Variants in EVI5 observed in about 807,000 individuals in gnomAD.
EVI5 encodes the protein ecotropic viral integration site 5.
EVI5 carries 73 observed loss-of-function variants against 112.0 expected under a neutral mutation model. That is an observed-to-expected ratio of 0.65 (90% confidence interval 0.54 to 0.79). EVI5 has a LOEUF of 0.79. Ranked by LOEUF, EVI5 falls within the 30% of genes least tolerant of loss-of-function variation. The pLI, the probability that EVI5 is intolerant of heterozygous loss-of-function variation, is 0.00. For synonymous variants in EVI5, 305 were observed against 319.9 expected (o/e 0.95, Z 0.50); for missense variants, 900 against 968.8 (o/e 0.93, Z 0.94).
chr1:92,776,652 G>A (rs1398688584), intron 1 of EVI5, among the ~76,000 whole-genome samples: 2 of 84,840 alleles, frequency 2.4e-5, no homozygotes, highest in South Asian at 7.0e-4. Flanking sequence ...TTTTTTTTTT[G>A]AGATGGAGTT....
At chr1:92,772,023 T>C (rs78695109) in intron 1 of EVI5, among the ~76,000 whole-genome samples, 17,389 of 151,614 alleles carry the variant, frequency 0.11, 2,938 homozygotes, top group African/African-American at 0.37. Context: ...CCCAGCTAAT[T>C]TTTTATTTTT....
intron 13 of EVI5, among the ~76,000 whole-genome samples, chr1:92,656,254 A>C (rs1219551226): frequency 6.6e-6 from 1 of 152,090 alleles, no homozygotes; most frequent in African/African-American, 2.4e-5. Context: ...AACTCTCAAA[A>C]CTATACAAAT....
chr1:92,685,030 G>GA (rs1297296372), intron 9 of EVI5, among the ~76,000 whole-genome samples: 1 of 151,830 alleles, frequency 6.6e-6, no homozygotes, highest in Non-Finnish European at 1.5e-5. Context: ...TCCAGGACTT[G>GA]AACTCAGCTC....
chr1:92,596,601 A>G (rs1647948747), intron 18 of EVI5, among the ~76,000 whole-genome samples: 1 of 152,188 alleles, frequency 6.6e-6, no homozygotes, highest in South Asian at 2.1e-4. Context: ...AAGTGTAACT[A>G]AACAGGGTTT....
At chr1:92,547,222 A>G (rs1246225185) in intron 19 of EVI5, among the ~76,000 whole-genome samples, 1 of 152,220 alleles carries the variant, frequency 6.6e-6, no homozygotes, top group Non-Finnish European at 1.5e-5. Flanking sequence ...CTACATGGAA[A>G]CTGAACAACC....
intron 18 of EVI5, among the ~76,000 whole-genome samples, chr1:92,566,360 TATA>T (rs1473255532): frequency 3.3e-5 from 5 of 152,178 alleles, no homozygotes; most frequent in Non-Finnish European, 7.4e-5. Context: ...CCCATAAGAT[TATA>T]ATAAGAAATT....
intron 19 of EVI5, among the ~76,000 whole-genome samples, chr1:92,520,791 C>A (rs912139020): frequency 2.7e-5 from 4 of 150,640 alleles, no homozygotes; most frequent in African/African-American, 4.9e-5. Context: ...GTCAAGGCTG[C>A]AGTGAGCTAT....
intron 13 of EVI5, among the ~76,000 whole-genome samples, chr1:92,654,610 A>G (rs187286426): frequency 4.1e-4 from 62 of 152,358 alleles, no homozygotes; most frequent in African/African-American, 1.5e-3. Context: ...ACAATTCTGG[A>G]AGTATAAAGA....
chr1:92,681,087 T>C (rs962617227), intron 9 of EVI5, among the ~76,000 whole-genome samples: 2 of 152,190 alleles, frequency 1.3e-5, no homozygotes, highest in African/African-American at 2.4e-5. Flanking sequence ...TAGATAATAG[T>C]ATTGTATCTA....
chr1:92,753,133 C>CAAAAA (rs5776155), intron 1 of EVI5, among the ~76,000 whole-genome samples: 1 of 140,278 alleles, frequency 7.1e-6, no homozygotes, highest in Non-Finnish European at 1.5e-5. Context: ...AAGAGTCAGG[C>CAAAAA]AAAAAAAAAA....
chr1:92,590,163 GA>G (rs1673564442), intron 18 of EVI5, among the ~76,000 whole-genome samples: 1 of 152,146 alleles, frequency 6.6e-6, no homozygotes, highest in Non-Finnish European at 1.5e-5. Flanking sequence ...CAAAGATGCG[GA>G]AAAAACAGAG....
intron 16 of EVI5, among the ~76,000 whole-genome samples, chr1:92,613,312 C>A (rs1194181088): frequency 2.0e-5 from 3 of 151,920 alleles, no homozygotes; most frequent in African/African-American, 4.8e-5. Context: ...TTATTTTTTT[C>A]TTTGAGACAG....
At chr1:92,631,240 G>A (rs1245985123) in intron 14 of EVI5, among the ~76,000 whole-genome samples, 4 of 152,048 alleles carry the variant, frequency 2.6e-5, no homozygotes, top group Non-Finnish European at 4.4e-5. Flanking sequence ...GCTTGATGGG[G>A]ATGGCATTGA....
chr1:92,738,514 GAC>G (rs1677816939), intron 1 of EVI5, among the ~76,000 whole-genome samples: 1 of 152,050 alleles, frequency 6.6e-6, no homozygotes, highest in South Asian at 2.1e-4. Flanking sequence ...AAAAGCAAAA[GAC>G]ACCTATTAAT....
chr1:92,657,004 C>A (rs1021206443), intron 13 of EVI5, among the ~76,000 whole-genome samples: 3 of 152,082 alleles, frequency 2.0e-5, no homozygotes, highest in Non-Finnish European at 2.9e-5. Flanking sequence ...CAAAAAACAT[C>A]AAGGAGGGAC....
rs559125307 is a variant in EVI5, at chr1:92,585,067, T to A, written c.2070+20240A>T. Among the ~76,000 whole-genome samples, 4 of 151,822 alleles carry A rather than the reference T, an allele frequency of 2.6e-5. No homozygotes were observed. In the South Asian group the frequency reaches 8.3e-4, roughly 32 times the overall value. On this transcript the variant is annotated intron_variant, in intron 18 of 19. Transcript: ENST00000684568. ...GGTGAAACCCCATCTCTATTGAAAA[T>A]TTAAAAATTAGCCAGGTGTGGTAGC...
intron 18 of EVI5, among the ~76,000 whole-genome samples, chr1:92,598,761 G>A (rs1405351029): frequency 1.3e-5 from 2 of 152,064 alleles, no homozygotes; most frequent in South Asian, 2.1e-4. Context: ...CATTCATTTA[G>A]AGAAGAAAAC....
At chr1:92,565,202 GT>G (rs556006741) in intron 18 of EVI5, among the ~76,000 whole-genome samples, 3 of 152,134 alleles carry the variant, frequency 2.0e-5, no homozygotes, top group Non-Finnish European at 4.4e-5. Flanking sequence ...ATTGTTAACA[GT>G]TTTTTGGTGT....
intron 18 of EVI5, among the ~76,000 whole-genome samples, chr1:92,581,557 CA>C (rs1385168306): frequency 5.3e-5 from 8 of 152,138 alleles, no homozygotes; most frequent in Admixed American, 5.2e-4. Context: ...GATAGATAGT[CA>C]AGGTTAGAAG....
Sources: allele counts gnomAD v4.1 joint callset (sites outside exome capture counted in the v4.1 genomes callset), GRCh38; gene constraint gnomAD v4.1.1; transcripts MANE v1.5; gene names NCBI Gene and HGNC (gene_info 2026-07-23, HGNC 2026-07-21).